The following PKN3 variants were observed in gnomAD, a reference collection of about 807,000 sequenced individuals.
PKN3 encodes the protein serine/threonine-protein kinase N3.
A neutral mutation model predicts 113.1 loss-of-function variants in PKN3; 91 were observed. The observed-to-expected ratio is 0.80, with a 90% CI of 0.68 to 0.96. PKN3 has a LOEUF of 0.96. Ranked by LOEUF, PKN3 falls within the 40% of genes least tolerant of loss-of-function variation. The pLI is 0.00. For synonymous variants in PKN3, 467 were observed against 499.0 expected (o/e 0.94, Z 0.85); for missense variants, 1,052 against 1,202.2 (o/e 0.88, Z 1.85).
Position 128,713,654 on chromosome 9 carries a change from C to T in PKN3, c.1236+12C>T. The stretch of plus-strand genomic sequence containing the variant: ...TGCTTTTTGCCCAGGTGCTCACCAC[C>T]TCCGCCCTCTGACTTGGTGGGACCC... On this transcript the variant is annotated intron_variant, in intron 9 of 21. Transcript: ENST00000291906. 6.2e-7 allele frequency: 1 copy of T among 1,613,022 alleles called. No homozygotes were observed. Among genetic ancestry groups the T allele is most frequent in the Non-Finnish European group, 8.5e-7 (1 of 1,179,636 alleles).
chr9:128,703,023 T>TTCCCCCGATCC, intron 1 of PKN3, 84 bp downstream of exon 1: 2 of 959,138 alleles, frequency 2.1e-6, no homozygotes, highest in Non-Finnish European at 1.4e-6. Context: ...CCGCGGCCGC[T>TTCCCCCGATCC]TCCCCCGATC....
chr9:128,708,956 A>C (rs897473994), intron 6 of PKN3, among the ~76,000 whole-genome samples: 2 of 151,908 alleles, frequency 1.3e-5, no homozygotes, highest in Non-Finnish European at 2.9e-5. Context: ...GTTTGAAACC[A>C]GCCTGGGCAA....
At chr9:128,714,710 G>C (rs369072212) in intron 12 of PKN3, 46 bp downstream of exon 12, 6 of 1,411,478 alleles carry the variant, frequency 4.3e-6, no homozygotes, top group Non-Finnish European at 5.0e-6. Context: ...GGCTGGGGCT[G>C]GCAGGGCCAC....
Position 128,704,214 on chromosome 9 carries a change from G to A in PKN3, c.25-1089G>A, listed in dbSNP as rs903612879. On this transcript the variant is annotated intron_variant, in intron 1 of 21. Coordinates refer to ENST00000291906, the MANE Select transcript of PKN3 (RefSeq NM_013355.5). The stretch of plus-strand genomic sequence containing the variant: ...GGTCACCTTTGGCACCGGTTGGTTT[G>A]AAATGCTGGCGGCTGGAAAGGAGGT... 3 of 899,882 alleles carry A rather than the reference G, an allele frequency of 3.3e-6. No homozygotes were observed. The African/African-American group carries it at 5.4e-5, about 16-fold the overall frequency. The allele number at this position is 899,882 out of a possible 1,614,324, so 55.7% of individuals were successfully genotyped here.
chr9:128,705,502 A>G lies in PKN3; in HGVS notation c.224A>G (p.His75Arg), dbSNP rs1345362001. ...CTGCATGGCGAGCTGCGGGAGCTGC[A>G]CGCCCGAATCCTGCTGCCCGGCCCT... ...EQLHGELREL[H>R]ARILLPGPGP... is the part of the protein sequence containing the mutation. Residue 75 changes from histidine (H) to arginine (R), a missense_variant, in exon 2 of 22, where the codon CAC (histidine) becomes CGC (arginine). This residue lies in a region of PKN3 where 719 missense variants were observed against 759.4 expected (regional missense o/e 0.95). Coordinates refer to ENST00000291906, the MANE Select transcript of PKN3 (RefSeq NM_013355.5). 1 of 1,559,288 alleles carries G rather than the reference A, an allele frequency of 6.4e-7. No individual in the cohort carries two copies. The highest frequency in any genetic ancestry group is 1.4e-5 in the African/African-American group (1 of 73,474).
intron 16 of PKN3, among the ~76,000 whole-genome samples, chr9:128,717,774 C>A (rs994258781): frequency 6.9e-6 from 1 of 144,404 alleles, no homozygotes; most frequent in Non-Finnish European, 1.5e-5. Context: ...AATCCCCACA[C>A]TTTGGGAGGC....
chr9:128,704,333 C>A (rs758663012), intron 1 of PKN3, among the ~76,000 whole-genome samples: 1 of 152,170 alleles, frequency 6.6e-6, no homozygotes, highest in Non-Finnish European at 1.5e-5. Flanking sequence ...CGGAGACCTC[C>A]CCAGTTCCTC....
At chr9:128,704,971 C>T (rs990049066) in intron 1 of PKN3, among the ~76,000 whole-genome samples, 5 of 151,950 alleles carry the variant, frequency 3.3e-5, no homozygotes, top group Admixed American at 2.6e-4. Flanking sequence ...TAATGACCAC[C>T]GCTACCGGGT....
In PKN3 at chr9:128,720,345, C is replaced by A. The variant is rs1862497754; in HGVS notation, c.2458-49C>A. 1 of 1,611,888 alleles carries A rather than the reference C, an allele frequency of 6.2e-7. No homozygotes were observed. Among genetic ancestry groups the A allele is most frequent in the Middle Eastern group, 1.7e-4 (1 of 6,056 alleles). ...GCAGGGTAGGTGGCATGGAGTGACT[C>A]CTGGAGCTGCTGTTCCTGCCGTCTC... is the stretch of plus-strand genomic sequence containing the variant. On this transcript the variant is annotated intron_variant, in intron 21 of 21. Transcript: ENST00000291906. This position sits in a 1 kb window ranked among gnomAD's most constrained non-coding sequence, Gnocchi z 5.5.
At chr9:128,704,842 C>G (rs1199372949) in intron 1 of PKN3, among the ~76,000 whole-genome samples, 3 of 150,872 alleles carry the variant, frequency 2.0e-5, no homozygotes, top group Admixed American at 1.3e-4. Context: ...CGCTTGAACC[C>G]GGGAGGCAGA....
Position 128,706,734 on chromosome 9 carries a change from G to A in PKN3, c.433G>A (p.Ala145Thr), listed in dbSNP as rs1352067148. The A allele has an allele frequency of 6.3e-7, 1 of 1,593,496 alleles. No individual in the cohort carries two copies. The highest frequency in any genetic ancestry group is 1.1e-5 in the South Asian group (1 of 88,276). The change falls in exon 4 of 22, where the codon GCC becomes ACC. Residue 145 changes from alanine to threonine, a missense_variant. By Grantham distance (58) the Ala-to-Thr change is moderately conservative. This residue lies in a region of PKN3 where 719 missense variants were observed against 759.4 expected (regional missense o/e 0.95). Coordinates refer to ENST00000291906, the MANE Select transcript of PKN3 (RefSeq NM_013355.5). ...ATAGGAGAGGAAGCTCCTGGCAGCT[G>A]CCCAGCAGATGCTGCGGGACAGCCA... ...TPKERKLLAA[A>T]QQMLRDSQLK... is the part of the protein sequence containing the mutation.
At position 128,718,353 on chromosome 9, in the gene PKN3, C is replaced by T. The variant is rs1862406774; in HGVS notation, c.2014C>T (p.Leu672=). ...CTACGTGGCTTGTGTTGTCCTGGGG[C>T]TGCAGTTCTTACACGAGAAGAAGAT... ...RFYVACVVLG[L]QFLHEKKIIY... is the part of the protein sequence containing the mutation. The change falls in exon 17 of 22, where the codon CTG becomes TTG. Residue 672 remains leucine, a synonymous_variant. Transcript: ENST00000291906. 3 of 1,612,470 alleles carry T rather than the reference C, an allele frequency of 1.9e-6. No homozygotes were observed. Among genetic ancestry groups the T allele is most frequent in the Middle Eastern group, 1.7e-4 (1 of 6,020 alleles).
chr9:128,704,545 G>A (rs1861951390), intron 1 of PKN3, among the ~76,000 whole-genome samples: 1 of 152,318 alleles, frequency 6.6e-6, no homozygotes, highest in Admixed American at 6.5e-5. Context: ...GCTGGGGCCC[G>A]AGAGATGGTG....
At chr9:128,708,242 T>C (rs1485919825) in intron 6 of PKN3, among the ~76,000 whole-genome samples, 4 of 151,678 alleles carry the variant, frequency 2.6e-5, no homozygotes, top group Non-Finnish European at 5.9e-5. Context: ...AGTAGCTGGA[T>C]GTGGTGGCAC....
At chr9:128,713,837 A>G (rs2132314261) in intron 9 of PKN3, among the ~76,000 whole-genome samples, 195 bp downstream of exon 9, 1 of 152,312 alleles carries the variant, frequency 6.6e-6, no homozygotes, top group South Asian at 2.1e-4. Flanking sequence ...GCCCTGCCTC[A>G]GGTGTGACCC....
At position 128,717,117 on chromosome 9, in the gene PKN3, C is replaced by CTTTTTTTTTTTTTTT. The variant is rs34182369; in HGVS notation, c.1985+206_1985+220dup. 7.6e-3 allele frequency among the ~76,000 whole-genome samples: 185 copies of CTTTTTTTTTTTTTTT among 24,376 alleles called. 72 individuals carry two copies. The highest frequency in any genetic ancestry group is 0.014 in the East Asian group (9 of 658). 16.0% of individuals were successfully genotyped at this position (24,376 alleles called of 152,430 possible). A position where few individuals can be genotyped will look rare whatever the true frequency, so the allele number is the denominator to read the frequency against. On this transcript the variant is annotated intron_variant, in intron 16 of 21. Coordinates refer to ENST00000291906, the MANE Select transcript of PKN3 (RefSeq NM_013355.5). ...GCTTATGAAGCTGTGCATTAGGTTT[C>CTTTTTTTTTTTTTTT]TTTTTTTTTTTTTTTTTTTTTTTTT...
At chr9:128,713,707 A>C in intron 9 of PKN3, 65 bp downstream of exon 9, 1 of 1,518,644 alleles carries the variant, frequency 6.6e-7, no homozygotes, top group Admixed American at 1.7e-5. Context: ...GAAGGCCTTC[A>C]AGACCGATGC....
Position 128,720,774 on chromosome 9 carries a change from T to C in PKN3, c.*168T>C, listed in dbSNP as rs1336243282. ...TGTTGTGGGCTTTGCTCAGTGTCAC[T>C]GGGCAAAGTGTGTCCCTTCCCCCTC... On this transcript the variant is annotated 3_prime_UTR_variant, in exon 22 of 22. Coordinates refer to ENST00000291906, the MANE Select transcript of PKN3 (RefSeq NM_013355.5). This position sits in a 1 kb window ranked among gnomAD's most constrained non-coding sequence, Gnocchi z 5.5. 3 of 635,654 alleles carry C rather than the reference T, an allele frequency of 4.7e-6. No individual in the cohort carries two copies. In the Admixed American group the frequency reaches 8.6e-5, roughly 18 times the overall value. The allele number at this position is 635,654 out of a possible 1,614,324, so 39.4% of individuals were successfully genotyped here.
At position 128,705,920 on chromosome 9, in the gene PKN3, T is replaced by G. The variant is rs1589476280; in HGVS notation, c.411+41T>G. On this transcript the variant is annotated intron_variant, in intron 3 of 21. Transcript: ENST00000291906. ...CTGATGGCAGGAGCACCCTGGCCCCTGGTCTGACAGGGAAATGCACCTCAG... is the reference window on the plus strand; with the variant it reads ...CTGATGGCAGGAGCACCCTGGCCCCGGGTCTGACAGGGAAATGCACCTCAG... The G allele has an allele frequency of 3.3e-6, 5 of 1,521,306 alleles. No individual in the cohort carries two copies. In the East Asian group the frequency reaches 1.2e-4, roughly 35 times the overall value. The allele number at this position is 1,521,306 out of a possible 1,614,324, so 94.2% of individuals were successfully genotyped here.
Sources: allele counts gnomAD v4.1 joint callset (sites outside exome capture counted in the v4.1 genomes callset), GRCh38; gene constraint gnomAD v4.1.1; regional missense constraint gnomAD v4.1.1; non-coding constraint Gnocchi (gnomAD v3.1); transcripts MANE v1.5; gene names NCBI Gene and HGNC (gene_info 2026-07-23, HGNC 2026-07-21).